UBXN7: variants seen among roughly 807,000 people sequenced by gnomAD.
UBXN7 encodes UBX domain-containing protein 7.
In UBXN7, 9 loss-of-function variants were observed where a neutral mutation model predicts 58.0. That is an observed-to-expected ratio of 0.16 (90% confidence interval 0.09 to 0.27). The LOEUF (loss-of-function observed/expected upper bound fraction) is 0.27, where lower values mean the gene tolerates loss of function less well. UBXN7 is among the 10% of genes least tolerant of loss of function. The pLI is 1.00. For missense variants in UBXN7, 328 were observed against 599.6 expected (o/e 0.55, Z 4.73); for synonymous variants, 208 against 205.0 (o/e 1.01, Z -0.12).
chr3:196,403,300 G>A (rs1173841231), intron 2 of UBXN7, among the ~76,000 whole-genome samples: 1 of 152,036 alleles, frequency 6.6e-6, no homozygotes, highest in Non-Finnish European at 1.5e-5. Context: ...TGGGACTACA[G>A]GCATACACCA....
At chr3:196,419,321 T>TAAATAAATAAACAAAC (rs139881636) in intron 1 of UBXN7, among the ~76,000 whole-genome samples, 15 of 150,324 alleles carry the variant, frequency 1.0e-4, no homozygotes, top group South Asian at 8.3e-4. Context: ...AATAAATAAA[T>TAAATAAATAAACAAAC]AAACAATGTG....
intron 6 of UBXN7, among the ~76,000 whole-genome samples, chr3:196,370,436 G>A (rs866782599): frequency 1.3e-5 from 2 of 149,190 alleles, no homozygotes; most frequent in Non-Finnish European, 3.0e-5. Flanking sequence ...CTGGGTGACA[G>A]AGCAAGACCC....
chr3:196,419,280 T>A (rs957630078), intron 1 of UBXN7, among the ~76,000 whole-genome samples: 4 of 150,528 alleles, frequency 2.7e-5, no homozygotes, highest in Admixed American at 6.6e-5. Flanking sequence ...CAAGACCCTG[T>A]CTCTAAATAA....
intron 1 of UBXN7, among the ~76,000 whole-genome samples, chr3:196,430,431 C>T (rs1730992308): frequency 6.6e-6 from 1 of 151,750 alleles, no homozygotes; most frequent in African/African-American, 2.4e-5. Context: ...GCTCTGTTGC[C>T]AGGGATGGAG....
chr3:196,349,514 G>A lies in UBXN7; in HGVS notation c.*7171C>T, dbSNP rs1334490319. ...TTAAGAATGCAAAGCTTTGAGAAAA[G>A]CATACTGTAAAATCATGTTGCTGCA... On this transcript the variant is annotated 3_prime_UTR_variant, in exon 11 of 11. Coordinates refer to ENST00000296328, the MANE Select transcript of UBXN7 (RefSeq NM_015562.2). The A allele has an allele frequency of 1.3e-5, 2 of 152,186 alleles. No individual in the cohort carries two copies. The highest frequency in any genetic ancestry group is 2.9e-5 in the Non-Finnish European group (2 of 68,042). The allele number at this position is 152,186 out of a possible 1,614,324, so 9.4% of individuals were successfully genotyped here. A position where few individuals can be genotyped will look rare whatever the true frequency, so the allele number is the denominator to read the frequency against.
At chr3:196,420,748 C>T (rs1157729577) in intron 1 of UBXN7, among the ~76,000 whole-genome samples, 3 of 152,074 alleles carry the variant, frequency 2.0e-5, no homozygotes, top group African/African-American at 7.2e-5. Flanking sequence ...ACCAAACGGC[C>T]TTCCTTAACC....
Position 196,432,383 on chromosome 3 carries a change from C to T in UBXN7, c.17G>A (p.Gly6Asp), listed in dbSNP as rs759457530. MAAHG[G>D]SAASSALKGL... The stretch of plus-strand genomic sequence containing the variant: ...CTTCAGCGCCGAGGACGCCGCGGAG[C>T]CCCCGTGGGCAGCCATCTTACCGCC... The change falls in exon 1 of 11, where the codon GGC becomes GAC. Residue 6 changes from glycine to aspartate, a missense_variant. This residue lies in a region of UBXN7 where 106 missense variants were observed against 124.3 expected (regional missense o/e 0.85). Transcript: ENST00000296328. 3 of 1,593,866 alleles carry T rather than the reference C, an allele frequency of 1.9e-6. No homozygotes were observed. The highest frequency in any genetic ancestry group is 1.1e-5 in the South Asian group (1 of 90,354).
intron 8 of UBXN7, among the ~76,000 whole-genome samples, chr3:196,365,698 G>A (rs73088713): frequency 0.011 from 1,682 of 152,230 alleles, 35 homozygotes; most frequent in African/African-American, 0.039. Context: ...ATGGCATCAC[G>A]AGGGACTATA....
In UBXN7 at chr3:196,354,608, C is replaced by T. The variant is rs895894624; in HGVS notation, c.*2077G>A. 6.6e-6 allele frequency: 1 copy of T among 152,190 alleles called. No individual in the cohort carries two copies. Among genetic ancestry groups the T allele is most frequent in the Non-Finnish European group, 1.5e-5 (1 of 68,044 alleles). 9.4% of individuals were successfully genotyped at this position (152,190 alleles called of 1,614,324 possible). A position where few individuals can be genotyped will look rare whatever the true frequency, so the allele number is the denominator to read the frequency against. ...GTCTACTACCAACAAATGTTTTACC[C>T]TCCAGTGCACCTTTGACAGTATACA... On this transcript the variant is annotated 3_prime_UTR_variant, in exon 11 of 11. Transcript: ENST00000296328.
chr3:196,379,111 A>G (rs13314796), intron 5 of UBXN7, among the ~76,000 whole-genome samples: 2 of 112,534 alleles, frequency 1.8e-5, no homozygotes, highest in South Asian at 3.4e-4. Flanking sequence ...GTTTTGGGGG[A>G]TTTTAGCCAC....
intron 10 of UBXN7, among the ~76,000 whole-genome samples, chr3:196,360,315 C>G (rs554288646): frequency 1.3e-5 from 2 of 152,210 alleles, no homozygotes; most frequent in Non-Finnish European, 2.9e-5. Context: ...CAAGGACTTT[C>G]ACAGCTAGAG....
chr3:196,394,215 G>A (rs1478565941), intron 3 of UBXN7, among the ~76,000 whole-genome samples: 1 of 149,594 alleles, frequency 6.7e-6, no homozygotes, highest in East Asian at 2.0e-4. Flanking sequence ...TTGAACCTAG[G>A]AGACAGAGGT....
At chr3:196,383,835 C>T (rs1287089933) in intron 5 of UBXN7, among the ~76,000 whole-genome samples, 1 of 152,082 alleles carries the variant, frequency 6.6e-6, no homozygotes, top group Non-Finnish European at 1.5e-5. Context: ...TAAATGCCCA[C>T]AAGAGAAAGC....
At chr3:196,384,093 C>G (rs147193546) in intron 5 of UBXN7, among the ~76,000 whole-genome samples, 4 of 151,936 alleles carry the variant, frequency 2.6e-5, no homozygotes, top group Non-Finnish European at 1.5e-5. Context: ...ATCAAATAGA[C>G]GCAATAAAAA....
intron 3 of UBXN7, among the ~76,000 whole-genome samples, chr3:196,401,815 AAAGAGAAGAGAGAAGAG>A (rs1218967718): frequency 1.5e-4 from 8 of 53,946 alleles, no homozygotes; most frequent in African/African-American, 4.1e-4. Flanking sequence ...AAAGAAAAGA[AAAGAGAAGAGAGAAGAG>A]AAGAGAAGAG....
intron 1 of UBXN7, among the ~76,000 whole-genome samples, chr3:196,428,683 A>T (rs1730923824): frequency 6.6e-6 from 1 of 151,406 alleles, no homozygotes; most frequent in Admixed American, 6.6e-5. Context: ...GCTTGAGCCC[A>T]GGAGTTCAAG....
chr3:196,417,155 T>C (rs1730517496), intron 1 of UBXN7, among the ~76,000 whole-genome samples: 1 of 151,942 alleles, frequency 6.6e-6, no homozygotes, highest in South Asian at 2.1e-4. Context: ...CTACTAAAAA[T>C]ACAAAAAATT....
At chr3:196,425,940 G>A (rs868610410) in intron 1 of UBXN7, among the ~76,000 whole-genome samples, 1 of 152,076 alleles carries the variant, frequency 6.6e-6, no homozygotes, top group Non-Finnish European at 1.5e-5. Flanking sequence ...CTCTATTCCT[G>A]TTAACCTTTA....
At chr3:196,409,007 T>C (rs1730245426) in intron 1 of UBXN7, among the ~76,000 whole-genome samples, 1 of 152,178 alleles carries the variant, frequency 6.6e-6, no homozygotes, top group Non-Finnish European at 1.5e-5. Context: ...TCATACTTAT[T>C]TCCTCTGTAA....
Sources: allele counts gnomAD v4.1 joint callset (sites outside exome capture counted in the v4.1 genomes callset), GRCh38; gene constraint gnomAD v4.1.1; regional missense constraint gnomAD v4.1.1; transcripts MANE v1.5; gene names NCBI Gene and HGNC (gene_info 2026-07-23, HGNC 2026-07-21).